The following RARB variants were observed in gnomAD, a reference collection of about 807,000 sequenced individuals.
RARB encodes the protein retinoic acid receptor beta, also known as HBV-activated protein.
RARB carries 17 observed loss-of-function variants against 51.9 expected under a neutral mutation model. The ratio of observed to expected loss-of-function variants is 0.33; its 90% CI spans 0.22 to 0.49. The LOEUF is 0.49. Ranked by LOEUF, RARB falls within the 20% of genes least tolerant of loss-of-function variation. The pLI is 0.99. For missense variants in RARB, 369 were observed against 550.8 expected, an observed-to-expected ratio of 0.67 and a Z score of 3.30; for synonymous variants, 215 against 195.4, an observed-to-expected ratio of 1.10 and a Z score of -0.84.
At chr3:25,011,498 G>C (rs1697393773) in intron 2 of RARB, among the ~76,000 whole-genome samples, 2 of 152,122 alleles carry the variant, frequency 1.3e-5, no homozygotes, top group South Asian at 4.1e-4. Context: ...TTAGGAATTA[G>C]GAATTATCTT....
At chr3:25,023,345 T>G (rs1007643242) in intron 2 of RARB, among the ~76,000 whole-genome samples, 4 of 152,180 alleles carry the variant, frequency 2.6e-5, no homozygotes, top group African/African-American at 9.7e-5. Context: ...GAGTAGGAGA[T>G]TGATTGATTA....
intron 3 of RARB, among the ~76,000 whole-genome samples, chr3:25,548,160 G>T (rs537308570): frequency 1.3e-5 from 2 of 150,630 alleles, no homozygotes; most frequent in Non-Finnish European, 2.9e-5. Flanking sequence ...GAAGTAATTG[G>T]AGTGAGTGCT....
rs1705683352 is a variant in RARB at position 25,354,836 on chromosome 3, C to T, written c.179-106357C>T. Among the ~76,000 whole-genome samples, 3 of 151,792 alleles carry T rather than the reference C, an allele frequency of 2.0e-5. 1 individual carries two copies. The highest frequency in any genetic ancestry group is 2.0e-4 in the Admixed American group (3 of 15,204). On this transcript the variant is annotated intron_variant, in intron 5 of 11. Transcript: ENST00000383772. ...CCCTGGGGTTACTGAGTTTCATGAA[C>T]TGGGAAAAGGAGGAATTTTGAACCA...
intron 3 of RARB, among the ~76,000 whole-genome samples, chr3:25,085,729 C>T (rs1199393600): frequency 2.0e-5 from 3 of 152,104 alleles, no homozygotes; most frequent in African/African-American, 7.2e-5. Flanking sequence ...TATCTTGGGA[C>T]CCAGCCCCTC....
chr3:25,295,808 C>CAGAT (rs1466208976), intron 5 of RARB, among the ~76,000 whole-genome samples: 1 of 152,120 alleles, frequency 6.6e-6, no homozygotes, highest in African/African-American at 2.4e-5. Context: ...AAATGTAAGG[C>CAGAT]AGATCACCAA....
At chr3:25,198,438 T>G (rs1247246191) in intron 5 of RARB, among the ~76,000 whole-genome samples, 2 of 151,906 alleles carry the variant, frequency 1.3e-5, no homozygotes, top group Non-Finnish European at 2.9e-5. Context: ...CACATCAAGT[T>G]AAACTTCTGC....
chr3:25,201,911 T>G (rs1203149159), intron 5 of RARB, among the ~76,000 whole-genome samples: 1 of 136,650 alleles, frequency 7.3e-6, no homozygotes, highest in African/African-American at 2.8e-5. Context: ...TTGTGTTTCT[T>G]TCTGCCAGGC....
At chr3:25,590,678 C>A (rs771121118) in intron 5 of RARB, among the ~76,000 whole-genome samples, 2 of 152,154 alleles carry the variant, frequency 1.3e-5, no homozygotes, top group Non-Finnish European at 2.9e-5. Flanking sequence ...CTTCACCAGG[C>A]CTGGCTAATT....
At chr3:25,272,804 G>A (rs757770489) in intron 5 of RARB, among the ~76,000 whole-genome samples, 3 of 152,158 alleles carry the variant, frequency 2.0e-5, no homozygotes, top group Non-Finnish European at 4.4e-5. Flanking sequence ...AGGAGACTCC[G>A]GTTTGATTTC....
chr3:25,014,389 T>C (rs1242881881), intron 2 of RARB, among the ~76,000 whole-genome samples: 2 of 152,248 alleles, frequency 1.3e-5, no homozygotes, highest in South Asian at 2.1e-4. Flanking sequence ...GCTATTTATG[T>C]GAAGAGAGGC....
chr3:24,960,405 C>T (rs932781381), intron 2 of RARB, among the ~76,000 whole-genome samples: 8 of 152,166 alleles, frequency 5.3e-5, no homozygotes, highest in Admixed American at 3.3e-4. Flanking sequence ...GAAAATCTCA[C>T]TGAAAATATT....
At chr3:25,141,240 G>C (rs949390331) in intron 4 of RARB, among the ~76,000 whole-genome samples, 3 of 151,822 alleles carry the variant, frequency 2.0e-5, no homozygotes, top group Non-Finnish European at 4.4e-5. Flanking sequence ...AAAGATATTT[G>C]CCTGTCCTTG....
intron 2 of RARB, among the ~76,000 whole-genome samples, chr3:24,944,955 A>G (rs1334285563): frequency 6.6e-6 from 1 of 152,310 alleles, no homozygotes; most frequent in Middle Eastern, 3.4e-3. Context: ...ATTGGGAAAA[A>G]GTGCCCACAA....
At chr3:25,068,898 A>C (rs1698716385) in intron 3 of RARB, among the ~76,000 whole-genome samples, 2 of 152,072 alleles carry the variant, frequency 1.3e-5, no homozygotes, top group Admixed American at 1.3e-4. Context: ...GAGACCTTTA[A>C]AGGGGCAATA....
chr3:25,597,810 G>GT lies in RARB; in HGVS notation c.*1195dup, dbSNP rs1553638421. 6.6e-6 allele frequency: 1 copy of GT among 152,030 alleles called. No individual in the cohort carries two copies. Among genetic ancestry groups the GT allele is most frequent in the East Asian group, 1.9e-4 (1 of 5,174 alleles). 9.4% of individuals were successfully genotyped at this position (152,030 alleles called of 1,614,324 possible). ...TTTGATATATTAGCAAGTCTGTGAT[G>GT]TACTTTCACTGGCTCTGTTTGTACA... On this transcript the variant is annotated 3_prime_UTR_variant, in exon 8 of 8. Coordinates refer to ENST00000330688, the MANE Select transcript of RARB (RefSeq NM_000965.5).
At chr3:25,134,348 A>G (rs1180379213) in intron 4 of RARB, among the ~76,000 whole-genome samples, 1 of 152,026 alleles carries the variant, frequency 6.6e-6, no homozygotes, top group Non-Finnish European at 1.5e-5. Context: ...CACAGGTTCT[A>G]GAGCCAGCTG....
chr3:25,472,158 G>A (rs1381436433), intron 2 of RARB, among the ~76,000 whole-genome samples: 1 of 152,236 alleles, frequency 6.6e-6, no homozygotes, highest in Non-Finnish European at 1.5e-5. Context: ...AAGGTACAAT[G>A]TTTGCTACAG....
intron 2 of RARB, among the ~76,000 whole-genome samples, chr3:24,975,270 A>G (rs951623520): frequency 2.6e-5 from 4 of 152,114 alleles, no homozygotes; most frequent in African/African-American, 9.7e-5. Context: ...AATAAATGAT[A>G]GTTGCTATTA....
chr3:24,962,191 A>G (rs1696156506), intron 2 of RARB, among the ~76,000 whole-genome samples: 1 of 151,428 alleles, frequency 6.6e-6, no homozygotes, highest in Middle Eastern at 3.5e-3. Context: ...GGCCTCCTAA[A>G]TTGCTGGGAT....
Sources: allele counts gnomAD v4.1 joint callset (sites outside exome capture counted in the v4.1 genomes callset), GRCh38; gene constraint gnomAD v4.1.1; transcripts MANE v1.5; gene names NCBI Gene and HGNC (gene_info 2026-07-23, HGNC 2026-07-21).